The following AOPEP variants were observed in gnomAD, a reference collection of about 807,000 sequenced individuals.
AOPEP encodes aminopeptidase O.
A neutral mutation model predicts 98.1 loss-of-function variants in AOPEP; 77 were observed. The ratio of observed to expected loss-of-function variants is 0.78; its 90% confidence interval spans 0.65 to 0.95. The LOEUF is 0.95. Ranked by LOEUF, AOPEP falls within the 40% of genes least tolerant of loss-of-function variation. The probability of loss-of-function intolerance (pLI) is 0.00; values close to 1 mark genes in which losing one functional copy is unlikely to be tolerated. For missense variants in AOPEP, 1,024 were observed against 1,024.7 expected, an observed-to-expected ratio of 1.00 and a Z score of 0.01; for synonymous variants, 346 against 365.3, an observed-to-expected ratio of 0.95 and a Z score of 0.60.
chr9:94,998,989 A>C (rs1270416266), intron 11 of AOPEP, among the ~76,000 whole-genome samples: 1 of 152,180 alleles, frequency 6.6e-6, no homozygotes, highest in Non-Finnish European at 1.5e-5. Flanking sequence ...CTTTTCATAG[A>C]ATTTTATAAG....
At chr9:95,020,380 C>G (rs1182176453) in intron 13 of AOPEP, 1 of 152,192 alleles carries the variant, frequency 6.6e-6, no homozygotes, top group African/African-American at 2.4e-5. Flanking sequence ...AGGGCTGTTT[C>G]CTGGCTTATT....
intron 5 of AOPEP, among the ~76,000 whole-genome samples, chr9:94,880,954 A>G (rs996369885): frequency 6.6e-6 from 1 of 152,222 alleles, no homozygotes; most frequent in African/African-American, 2.4e-5. Context: ...ACAAGGGGCT[A>G]CTAGTTTGGA....
At chr9:94,895,008 C>T (rs896220887) in intron 5 of AOPEP, among the ~76,000 whole-genome samples, 5 of 151,796 alleles carry the variant, frequency 3.3e-5, no homozygotes, top group Non-Finnish European at 7.4e-5. Context: ...GAAAATAGGA[C>T]GAAGTGATAT....
rs1019793720 is a variant in AOPEP at position 95,002,075 on chromosome 9, A to G, written c.1978-3083A>G. 1.2e-4 allele frequency among the ~76,000 whole-genome samples: 18 copies of G among 152,116 alleles called. No individual in the cohort carries two copies. The South Asian group carries it at 2.7e-3, about 23-fold the overall frequency. On this transcript the variant is annotated intron_variant, in intron 11 of 16. Transcript: ENST00000375315. ...ATTACAGGTGTGAGCCACCGTGCAC[A>G]GCCTGTTTATAAAGTTACCCTGGCA...
the AOPEP span, chr9:95,101,736 G>A: frequency 6.2e-7 from 1 of 1,614,126 alleles, no homozygotes; most frequent in Non-Finnish European, 8.5e-7. Context: ...TCTTTAAGGA[G>A]CTCTCGGGCC....
At chr9:95,049,392 A>G (rs1331059823) in intron 13 of AOPEP, among the ~76,000 whole-genome samples, 1 of 152,236 alleles carries the variant, frequency 6.6e-6, no homozygotes, top group Non-Finnish European at 1.5e-5. Flanking sequence ...TAAGAAAAAC[A>G]ATTAAAAGCC....
intron 3 of AOPEP, among the ~76,000 whole-genome samples, chr9:94,787,211 C>T (rs1057296188): frequency 5.3e-5 from 8 of 152,124 alleles, no homozygotes; most frequent in African/African-American, 1.7e-4. Context: ...GGGTCATTTA[C>T]GGTTTCTGAC....
At chr9:94,765,251 C>T (rs563753994) in intron 2 of AOPEP, among the ~76,000 whole-genome samples, 2 of 152,044 alleles carry the variant, frequency 1.3e-5, no homozygotes, top group South Asian at 4.2e-4. Context: ...GCATGAGCCA[C>T]TGACTGCGCC....
the AOPEP span, chr9:95,110,679 C>T: frequency 6.7e-6 from 7 of 1,052,484 alleles, no homozygotes; most frequent in Non-Finnish European, 8.0e-6. Flanking sequence ...AATGCCAAAG[C>T]CAAGAGAAGC....
intron 3 of AOPEP, among the ~76,000 whole-genome samples, chr9:94,775,927 C>T (rs1199378906): frequency 2.0e-5 from 3 of 151,896 alleles, no homozygotes; most frequent in Admixed American, 6.5e-5. Context: ...TGCAGTGAGC[C>T]GAGATCACGC....
chr9:95,070,469 T>A (rs1472344987), intron 14 of AOPEP, among the ~76,000 whole-genome samples: 1 of 151,994 alleles, frequency 6.6e-6, no homozygotes, highest in East Asian at 1.9e-4. Flanking sequence ...TAAAGGGGAG[T>A]GCTTCCTGTT....
chr9:95,044,730 G>A (rs1187577243), intron 13 of AOPEP, among the ~76,000 whole-genome samples: 1 of 152,154 alleles, frequency 6.6e-6, no homozygotes, highest in African/African-American at 2.4e-5. Context: ...GGGCATACAT[G>A]TCACTGTTTC....
At chr9:95,015,074 G>A (rs1335590693) in intron 13 of AOPEP, among the ~76,000 whole-genome samples, 1 of 152,156 alleles carries the variant, frequency 6.6e-6, no homozygotes, top group Non-Finnish European at 1.5e-5. Flanking sequence ...ATGAGTATAT[G>A]ATGCATTTTT....
intron 13 of AOPEP, among the ~76,000 whole-genome samples, chr9:95,058,794 AG>A (rs1280264627): frequency 3.9e-5 from 6 of 152,224 alleles, no homozygotes; most frequent in Admixed American, 6.5e-5. Context: ...GAGGGCATTC[AG>A]TCAGTGGCCC....
intron 1 of AOPEP, among the ~76,000 whole-genome samples, chr9:94,758,335 G>A (rs1239157207): frequency 6.6e-6 from 1 of 152,230 alleles, no homozygotes; most frequent in Non-Finnish European, 1.5e-5. Context: ...GACTGGAAAA[G>A]TAGCTAGAAA....
At chr9:94,730,404 G>A (rs1021938021) in intron 1 of AOPEP, among the ~76,000 whole-genome samples, 2 of 151,368 alleles carry the variant, frequency 1.3e-5, no homozygotes, top group Non-Finnish European at 2.9e-5. Flanking sequence ...AAGAAAAAAC[G>A]ACATCCAGGC....
intron 7 of AOPEP, among the ~76,000 whole-genome samples, chr9:94,940,016 A>T (rs890341126): frequency 2.0e-5 from 3 of 152,238 alleles, no homozygotes; most frequent in African/African-American, 7.2e-5. Flanking sequence ...AAGATATTTC[A>T]TTTGTATGTA....
At chr9:95,059,609 G>A (rs555775092) in intron 13 of AOPEP, among the ~76,000 whole-genome samples, 2 of 152,228 alleles carry the variant, frequency 1.3e-5, no homozygotes, top group East Asian at 3.9e-4. Context: ...GGAGCAGGGA[G>A]GGAAACCAGT....
At chr9:94,921,230 A>G (rs1440519233) in intron 5 of AOPEP, 1 of 152,284 alleles carries the variant, frequency 6.6e-6, no homozygotes, top group East Asian at 1.9e-4. Flanking sequence ...ACAGTTTTCC[A>G]GTGAGGCTTG....
Sources: gnomAD v4.1 joint callset for allele counts (sites outside exome capture counted in the v4.1 genomes callset) on GRCh38, gnomAD v4.1.1 for gene constraint, MANE v1.5 for transcripts, NCBI Gene and HGNC (gene_info 2026-07-23, HGNC 2026-07-21) for gene names.